The following SYT7 variants were observed in gnomAD, a reference collection of about 807,000 sequenced individuals.
SYT7 encodes synaptotagmin-7.
In SYT7, 29 loss-of-function variants were observed where a neutral mutation model predicts 75.1. The ratio of observed to expected loss-of-function variants is 0.39; its 90% confidence interval spans 0.29 to 0.53. The LOEUF (loss-of-function observed/expected upper bound fraction) is 0.53, where lower values mean the gene tolerates loss of function less well. SYT7 is among the 20% of genes least tolerant of loss of function. The pLI is 0.77. For missense variants in SYT7, 693 were observed against 953.2 expected, an observed-to-expected ratio of 0.73 and a Z score of 3.59; for synonymous variants, 376 against 401.7, an observed-to-expected ratio of 0.94 and a Z score of 0.76.
At chr11:61,536,588 C>G (rs2062876254) in intron 7 of SYT7, among the ~76,000 whole-genome samples, 1 of 152,180 alleles carries the variant, frequency 6.6e-6, no homozygotes, top group Non-Finnish European at 1.5e-5. Context: ...GTGGCAGACT[C>G]CGCTCCTCCA....
chr11:61,536,590 G>A (rs60760433), intron 7 of SYT7, among the ~76,000 whole-genome samples: 4,682 of 152,272 alleles, frequency 0.031, 260 homozygotes, highest in African/African-American at 0.11. Flanking sequence ...GGCAGACTCC[G>A]CTCCTCCAGT....
chr11:61,570,582 AG>A, intron 1 of SYT7, among the ~76,000 whole-genome samples: 1 of 152,180 alleles, frequency 6.6e-6, no homozygotes, highest in East Asian at 1.9e-4. Flanking sequence ...AGCTAGCCAG[AG>A]GCATGGTTCT....
intron 1 of SYT7, among the ~76,000 whole-genome samples, chr11:61,573,563 G>C (rs767181099): frequency 4.7e-4 from 71 of 152,216 alleles, no homozygotes; most frequent in Non-Finnish European, 8.7e-4. Flanking sequence ...CTGCTCAAAA[G>C]CCATCCATGG....
At position 61,533,025 on chromosome 11, in the gene SYT7, T is replaced by C. The variant is rs140077574; in HGVS notation, c.1164A>G (p.Ser388=). The change falls in exon 8 of 13, where the codon TCA becomes TCG. Residue 388 remains serine (S), a synonymous_variant. Coordinates refer to ENST00000539008, the MANE Select transcript of SYT7 (RefSeq NM_001365809.2). ...CGCTGGTGAGGGAGTTGACGAGGTC[T>C]GAGACGGAGGAACGTGGCTCGGTCC... is the stretch of plus-strand genomic sequence containing the variant. ...DRRTEPRSSV[S]DLVNSLTSEM... is the part of the protein sequence containing the mutation. 380 of 1,613,610 alleles carry C rather than the reference T, an allele frequency of 2.4e-4. 1 individual carries two copies. Among genetic ancestry groups the C allele is most frequent in the Non-Finnish European group, 3.1e-4 (361 of 1,180,024 alleles).
rs150684478 is a variant in SYT7, at chr11:61,545,254, G to T, written c.572+777C>A. 7.2e-3 allele frequency among the ~76,000 whole-genome samples: 1,094 copies of T among 152,346 alleles called. 10 individuals carry two copies. Among genetic ancestry groups the T allele is most frequent in the Middle Eastern group, 0.014 (4 of 294 alleles). On this transcript the variant is annotated intron_variant, in intron 5 of 12. Transcript: ENST00000539008. ...TGGGCCTGACTGTTCGACAAGCTCA[G>T]ACAGCTATTACAGAGGGGACGGCTC... is the stretch of plus-strand genomic sequence containing the variant.
In SYT7 at chr11:61,551,393, T is replaced by C. The variant is rs2063345147; in HGVS notation, c.206A>G (p.Lys69Arg). 6.2e-7 allele frequency: 1 copy of C among 1,613,824 alleles called. No individual in the cohort carries two copies. The highest frequency in any genetic ancestry group is 8.5e-7 in the Non-Finnish European group (1 of 1,179,926). ...GCAGCCTGGCACCTACTTGATAGCC[T>C]TCTTCTCACTGCGCCCACGCCCTGA... The part of the protein sequence containing the change: ...PDSGRGRSEK[K>R]AINDLDRDFW... Residue 69 changes from lysine (K) to arginine (R), a missense_variant, in exon 3 of 13, where the codon AAG becomes AGG. Lys to Arg is a conservative substitution (Grantham distance 26, BLOSUM62 2). Around this residue, in one of 2 missense-constraint regions of SYT7, gnomAD observed 487 missense variants for 593.2 expected, o/e 0.82. Transcript: ENST00000539008. The surrounding 1 kb of genome is among the most constrained non-coding windows in gnomAD (Gnocchi z 5.3).
Position 61,517,780 on chromosome 11 carries a change from G to C in SYT7, c.*847C>G. On this transcript the variant is annotated 3_prime_UTR_variant, in exon 13 of 13. Coordinates refer to ENST00000539008, the MANE Select transcript of SYT7 (RefSeq NM_001365809.2). ...AAAAGGTGTGAGTCAGTGTTCAAGA[G>C]ATGAAATTGCTGAGGAGGGAACTAC... The C allele has an allele frequency of 2.8e-6, 1 of 356,784 alleles. No individual in the cohort carries two copies. The highest frequency in any genetic ancestry group is 5.0e-6 in the Non-Finnish European group (1 of 200,674). 22.1% of individuals were successfully genotyped at this position (356,784 alleles called of 1,614,324 possible).
At position 61,576,412 on chromosome 11, in the gene SYT7, G is replaced by A. The variant is rs1478712662; in HGVS notation, c.31+4378C>T. On this transcript the variant is annotated intron_variant, in intron 1 of 12. Transcript: ENST00000539008. The surrounding 1 kb of genome is among the most constrained non-coding windows in gnomAD (Gnocchi z 4.1). Reference sequence around the variant, plus strand: ...CCCGACGAGAGAAAGTTGACCTCTCGGCCACATATGCCACCTGCCGGGCAC... The same window carrying A: ...CCCGACGAGAGAAAGTTGACCTCTCAGCCACATATGCCACCTGCCGGGCAC... 2.6e-5 allele frequency among the ~76,000 whole-genome samples: 4 copies of A among 152,292 alleles called. No homozygotes were observed. Among genetic ancestry groups the A allele is most frequent in the East Asian group, 1.9e-4 (1 of 5,188 alleles).
intron 1 of SYT7, among the ~76,000 whole-genome samples, chr11:61,575,926 A>T (rs959935354): frequency 7.9e-5 from 12 of 152,114 alleles, no homozygotes; most frequent in African/African-American, 2.9e-4. Context: ...TCACATGAAG[A>T]TACCAATTCC....
At chr11:61,534,073 C>G (rs1030332032) in intron 7 of SYT7, among the ~76,000 whole-genome samples, 1 of 152,144 alleles carries the variant, frequency 6.6e-6, no homozygotes, top group Admixed American at 6.5e-5. Flanking sequence ...GCACTAAAAG[C>G]CTGCCCAGGG....
intron 3 of SYT7, among the ~76,000 whole-genome samples, chr11:61,549,058 G>A (rs979889942): frequency 6.6e-6 from 1 of 152,144 alleles, no homozygotes. Flanking sequence ...AGCCTCACAC[G>A]AGGGTATGGA....
At chr11:61,585,517 C>T (rs198762), upstream of SYT7, among the ~76,000 whole-genome samples, 8,334 of 152,172 alleles carry the variant, frequency 0.055, 761 homozygotes, top group African/African-American at 0.19. Context: ...CTCCTACCCC[C>T]TAGACTTCCC....
rs993208692 is a variant in SYT7 at position 61,537,996 on chromosome 11, C to A, written c.1064+148G>T. On this transcript the variant is annotated intron_variant, in intron 7 of 12. Coordinates refer to ENST00000539008, the MANE Select transcript of SYT7 (RefSeq NM_001365809.2). Reference sequence around the variant, plus strand: ...ACCGAGGTGGCAGTGCGTGAGGGCACCGGCTGGGGAGGGGGCTTGTCCTTC... The same window carrying A: ...ACCGAGGTGGCAGTGCGTGAGGGCAACGGCTGGGGAGGGGGCTTGTCCTTC... 44 of 1,255,078 alleles carry A rather than the reference C, an allele frequency of 3.5e-5. No homozygotes were observed. In the African/African-American group the frequency reaches 6.3e-4, roughly 18 times the overall value. 77.7% of individuals were successfully genotyped at this position (1,255,078 alleles called of 1,614,324 possible). A position where few individuals can be genotyped will look rare whatever the true frequency, so the allele number is the denominator to read the frequency against.
chr11:61,537,439 T>C lies in SYT7; in HGVS notation c.1064+705A>G, dbSNP rs552588857. ...GACCAGCCTTCTGCTTGGCCTGTGC[T>C]GTGGCCACACAGGCTATGCCCAGTC... On this transcript the variant is annotated intron_variant, in intron 7 of 12. Transcript: ENST00000539008. 3.3e-5 allele frequency among the ~76,000 whole-genome samples: 5 copies of C among 152,234 alleles called. No homozygotes were observed. In the South Asian group the frequency reaches 8.3e-4, roughly 25 times the overall value.
At chr11:61,552,942 C>T (rs923202541) in intron 2 of SYT7, among the ~76,000 whole-genome samples, 3 of 152,200 alleles carry the variant, frequency 2.0e-5, no homozygotes, top group Non-Finnish European at 2.9e-5. Context: ...TCTCCCGGCA[C>T]GTGCTCCCAC....
chr11:61,552,590 G>A (rs1384495100), intron 2 of SYT7, among the ~76,000 whole-genome samples: 1 of 152,186 alleles, frequency 6.6e-6, no homozygotes, highest in African/African-American at 2.4e-5. Flanking sequence ...AGCAGAGTAA[G>A]AGCTGTCACT....
Position 61,542,276 on chromosome 11 carries a change from G to A in SYT7, c.876C>T (p.Asn292=). The change falls in exon 6 of 13, where the codon AAC becomes AAT. Residue 292 remains asparagine, a synonymous_variant. Coordinates refer to ENST00000539008, the MANE Select transcript of SYT7 (RefSeq NM_001365809.2). This position sits in a 1 kb window ranked among gnomAD's most constrained non-coding sequence, Gnocchi z 7.8. ...YRAAGGRSRS[N]PGSWDHVVGQ... ...CCACCACGTGGTCCCAGCTGCCTGG[G>A]TTGGAGCGGCTGCGGCCCCCTGCCG... The A allele has an allele frequency of 6.5e-7, 1 of 1,535,232 alleles. No individual in the cohort carries two copies. The highest frequency in any genetic ancestry group is 8.7e-7 in the Non-Finnish European group (1 of 1,146,474).
intron 1 of SYT7, among the ~76,000 whole-genome samples, chr11:61,559,454 C>A (rs1274118283): frequency 6.6e-6 from 1 of 152,130 alleles, no homozygotes; most frequent in African/African-American, 2.4e-5. Flanking sequence ...CTTGTCTATC[C>A]AGCTGAGGGG....
intron 2 of SYT7, among the ~76,000 whole-genome samples, chr11:61,554,852 G>A (rs907048079): frequency 1.3e-5 from 2 of 152,134 alleles, no homozygotes; most frequent in African/African-American, 2.4e-5. Flanking sequence ...ACACACACTC[G>A]CACAGGGAGC....
Sources: gnomAD v4.1 joint callset for allele counts (sites outside exome capture counted in the v4.1 genomes callset) on GRCh38, gnomAD v4.1.1 for gene constraint, gnomAD v4.1.1 regional missense constraint, Gnocchi (gnomAD v3.1) non-coding constraint, MANE v1.5 for transcripts, NCBI Gene and HGNC (gene_info 2026-07-23, HGNC 2026-07-21) for gene names.